RORA: variants seen among roughly 807,000 people sequenced by gnomAD.
RORA encodes RAR related orphan receptor A.
In RORA, 7 loss-of-function variants were observed where a neutral mutation model predicts 69.5. The ratio of observed to expected loss-of-function variants is 0.10; its 90% confidence interval spans 0.06 to 0.19. RORA has a LOEUF of 0.19. RORA is among the 10% of genes least tolerant of loss of function. The pLI, the probability that RORA is intolerant of heterozygous loss-of-function variation, is 1.00. For missense variants in RORA, 457 were observed against 663.0 expected (o/e 0.69, Z 3.41); for synonymous variants, 261 against 240.8 (o/e 1.08, Z -0.78).
At chr15:60,807,120 C>T (rs1320069467) in intron 1 of RORA, among the ~76,000 whole-genome samples, 2 of 152,116 alleles carry the variant, frequency 1.3e-5, no homozygotes, top group African/African-American at 4.8e-5. Flanking sequence ...GGAAGTCAAA[C>T]TGTTGCTGTT....
At chr15:61,158,082 C>T (rs977271118) in intron 1 of RORA, among the ~76,000 whole-genome samples, 11 of 152,162 alleles carry the variant, frequency 7.2e-5, no homozygotes, top group African/African-American at 2.7e-4. Context: ...AATTCCCTTT[C>T]AGAAGGGTTT....
At chr15:60,708,703 C>A (rs1403711528) in intron 1 of RORA, among the ~76,000 whole-genome samples, 1 of 152,222 alleles carries the variant, frequency 6.6e-6, no homozygotes, top group Non-Finnish European at 1.5e-5. Context: ...ACACTTTCCC[C>A]CCAACCCTGT....
At chr15:60,997,817 A>G (rs1894607297) in intron 1 of RORA, among the ~76,000 whole-genome samples, 2 of 152,172 alleles carry the variant, frequency 1.3e-5, no homozygotes, top group African/African-American at 4.8e-5. Context: ...TGCTTTAGTG[A>G]TTGGGCAAGT....
At chr15:61,150,396 T>C (rs1438252024) in intron 1 of RORA, among the ~76,000 whole-genome samples, 6 of 151,236 alleles carry the variant, frequency 4.0e-5, no homozygotes, top group African/African-American at 1.5e-4. Context: ...TCACAAATAA[T>C]ATGTACATAC....
Position 60,893,914 on chromosome 15 carries a change from G to A in RORA, c.167-215228C>T, listed in dbSNP as rs185224167. Among the ~76,000 whole-genome samples, 1,210 of 152,290 alleles carry A rather than the reference G, an allele frequency of 7.9e-3. 14 individuals carry two copies. Among genetic ancestry groups the A allele is most frequent in the African/African-American group, 0.028 (1,169 of 41,570 alleles). On this transcript the variant is annotated intron_variant, in intron 1 of 10. Transcript: ENST00000335670. ...TTATGTAACTTGGCGATGAGAAAAG[G>A]AGGACCCAAACCCAGACCTCTCAAG...
intron 1 of RORA, among the ~76,000 whole-genome samples, chr15:60,775,372 T>C (rs1299801977): frequency 2.6e-5 from 4 of 152,232 alleles, no homozygotes; most frequent in African/African-American, 9.6e-5. Flanking sequence ...TTTTCCTATA[T>C]GTAAGCTGTT....
chr15:60,807,373 G>C (rs1358456336), intron 1 of RORA, among the ~76,000 whole-genome samples: 1 of 151,970 alleles, frequency 6.6e-6, no homozygotes, highest in Non-Finnish European at 1.5e-5. Flanking sequence ...TAACCAAGAA[G>C]GTGAAAGACC....
chr15:60,579,715 T>C (rs1238805696), intron 2 of RORA, among the ~76,000 whole-genome samples: 1 of 152,204 alleles, frequency 6.6e-6, no homozygotes, highest in Non-Finnish European at 1.5e-5. Context: ...GAGCTCTTAG[T>C]AGTGTCCTCA....
At chr15:61,044,979 G>T (rs1896954265) in intron 1 of RORA, among the ~76,000 whole-genome samples, 1 of 152,220 alleles carries the variant, frequency 6.6e-6, no homozygotes, top group Non-Finnish European at 1.5e-5. Context: ...GTACTTGGGG[G>T]CACTCGGGAA....
intron 1 of RORA, among the ~76,000 whole-genome samples, chr15:60,833,216 T>C (rs1260813634): frequency 2.0e-5 from 3 of 148,666 alleles, no homozygotes; most frequent in African/African-American, 7.5e-5. Context: ...TCTTCTTTTT[T>C]TATTTGTATT....
chr15:61,060,444 G>C (rs1009608309), intron 1 of RORA, among the ~76,000 whole-genome samples: 1 of 152,186 alleles, frequency 6.6e-6, no homozygotes, highest in African/African-American at 2.4e-5. Flanking sequence ...GCAGGCACTT[G>C]CCATGGGTGC....
At chr15:60,591,193 G>A (rs1469306067) in intron 2 of RORA, among the ~76,000 whole-genome samples, 1 of 152,178 alleles carries the variant, frequency 6.6e-6, no homozygotes, top group Non-Finnish European at 1.5e-5. Context: ...AGCCGCGTCC[G>A]CCGCAAACAG....
chr15:61,007,674 T>C (rs1194634649), intron 1 of RORA, among the ~76,000 whole-genome samples: 1 of 150,240 alleles, frequency 6.7e-6, no homozygotes, highest in African/African-American at 2.4e-5. Flanking sequence ...ATGAAAGATT[T>C]TTAAGCATAA....
chr15:60,740,729 T>A (rs1235450183), intron 1 of RORA, among the ~76,000 whole-genome samples: 1 of 152,188 alleles, frequency 6.6e-6, no homozygotes, highest in East Asian at 1.9e-4. Flanking sequence ...AAATGTGACA[T>A]TGTTAGGTAC....
chr15:60,829,269 AG>A, intron 1 of RORA, among the ~76,000 whole-genome samples: 1 of 152,166 alleles, frequency 6.6e-6, no homozygotes, highest in Non-Finnish European at 1.5e-5. Flanking sequence ...GGAATTCAGC[AG>A]GTCACTGCTG....
chr15:60,707,240 CT>C (rs1156600867), intron 1 of RORA, among the ~76,000 whole-genome samples: 2 of 152,160 alleles, frequency 1.3e-5, no homozygotes, highest in Non-Finnish European at 2.9e-5. Flanking sequence ...ACCCAGTCCC[CT>C]GAATTCACTC....
chr15:60,544,672 T>A (rs1415775093), intron 2 of RORA: 1 of 152,058 alleles, frequency 6.6e-6, no homozygotes, highest in Non-Finnish European at 1.5e-5. Context: ...TAGGACAGAG[T>A]TAGGTTATTT....
intron 1 of RORA, among the ~76,000 whole-genome samples, chr15:60,858,759 C>T (rs1375213404): frequency 6.6e-6 from 1 of 151,226 alleles, no homozygotes; most frequent in Admixed American, 6.6e-5. Context: ...TTGGTCAATC[C>T]ACAAAAAATG....
chr15:60,753,800 A>C (rs1045927155), intron 1 of RORA, among the ~76,000 whole-genome samples: 1 of 152,252 alleles, frequency 6.6e-6, no homozygotes, highest in Non-Finnish European at 1.5e-5. Flanking sequence ...GACAGACATC[A>C]CAAATGCATG....
Sources: gnomAD v4.1 joint callset for allele counts (sites outside exome capture counted in the v4.1 genomes callset) on GRCh38, gnomAD v4.1.1 for gene constraint, MANE v1.5 for transcripts, NCBI Gene and HGNC (gene_info 2026-07-23, HGNC 2026-07-21) for gene names.